The following PPP1R12A variants were observed in gnomAD, a reference collection of about 807,000 sequenced individuals.
PPP1R12A encodes the protein myosin binding subunit.
A neutral mutation model predicts 139.6 loss-of-function variants in PPP1R12A; 19 were observed. The observed-to-expected ratio is 0.14, with a 90% confidence interval of 0.09 to 0.20. The LOEUF is 0.20. PPP1R12A is among the 10% of genes least tolerant of loss of function. The pLI is 1.00. For missense variants in PPP1R12A, 925 were observed against 1,211.5 expected, an observed-to-expected ratio of 0.76 and a Z score of 3.51; for synonymous variants, 427 against 420.6, an observed-to-expected ratio of 1.02 and a Z score of -0.19.
Position 79,809,874 on chromosome 12 carries a change from T to C in PPP1R12A, c.1376A>G (p.Gln459Arg). ...LAEITASKEG[Q>R]KEKDTAGVTR... ...AACACCTGCAGTATCTTTTTCTTTC[T>C]GACCCTCTTTAGATGCTGTGATTTC... The change falls in exon 10 of 25, where the codon CAG becomes CGG. Residue 459 changes from glutamine (Q) to arginine (R), a missense_variant. By Grantham distance (43) the Gln-to-Arg change is conservative (BLOSUM62 1). Around this residue, in one of 4 missense-constraint regions of PPP1R12A, gnomAD observed 403 missense variants for 463.7 expected, o/e 0.87. Transcript: ENST00000450142. 1 of 1,613,628 alleles carries C rather than the reference T, an allele frequency of 6.2e-7. No homozygotes were observed. The highest frequency in any genetic ancestry group is 8.5e-7 in the Non-Finnish European group (1 of 1,179,736).
At chr12:79,895,213 A>C (rs1885025366) in intron 1 of PPP1R12A, among the ~76,000 whole-genome samples, 2 of 152,194 alleles carry the variant, frequency 1.3e-5, no homozygotes, top group South Asian at 4.1e-4. Context: ...AAAACTGACT[A>C]CTGCTGAGAA....
chr12:79,824,790 G>C (rs1441568357), intron 5 of PPP1R12A, among the ~76,000 whole-genome samples: 2 of 151,838 alleles, frequency 1.3e-5, no homozygotes, highest in African/African-American at 2.4e-5. Context: ...AAAGCAACCA[G>C]GCAACAAATG....
At chr12:79,813,312 A>G (rs1286688836) in intron 9 of PPP1R12A, among the ~76,000 whole-genome samples, 1 of 152,160 alleles carries the variant, frequency 6.6e-6, no homozygotes, top group East Asian at 1.9e-4. Flanking sequence ...TTCTTCTCTC[A>G]GGTGGAGTAC....
At chr12:79,854,825 C>G (rs1192337145) in intron 2 of PPP1R12A, among the ~76,000 whole-genome samples, 1 of 151,984 alleles carries the variant, frequency 6.6e-6, no homozygotes, top group African/African-American at 2.4e-5. Flanking sequence ...GCATGCACCA[C>G]CAGGCCCAGC....
intron 22 of PPP1R12A, chr12:79,782,692 T>C: frequency 5.5e-6 from 2 of 360,368 alleles, no homozygotes; most frequent in Non-Finnish European, 1.1e-5. Context: ...CATTGATCTC[T>C]GTACAAACAT....
chr12:79,789,514 T>TAATG lies in PPP1R12A; in HGVS notation c.2667-735_2667-732dup, dbSNP rs546926052. On this transcript the variant is annotated intron_variant, in intron 20 of 24. Transcript: ENST00000450142. Reference sequence around the variant, plus strand: ...AATAAAGTATATCCAAAGTGACAAGTAATGGGTTTGTCCTAAGCAGGAAAA... The same window carrying TAATG: ...AATAAAGTATATCCAAAGTGACAAGTAATGAATGGGTTTGTCCTAAGCAGGAAAA... 391 of 339,638 alleles carry TAATG rather than the reference T, an allele frequency of 1.2e-3. 5 individuals are homozygous for TAATG. Among genetic ancestry groups the TAATG allele is most frequent in the South Asian group, 8.9e-3 (373 of 42,062 alleles). 21.0% of individuals were successfully genotyped at this position (339,638 alleles called of 1,614,324 possible).
At position 79,928,246 on chromosome 12, in the gene PPP1R12A, T is replaced by C. The variant is rs550806847; in HGVS notation, c.237+6449A>G. Among the ~76,000 whole-genome samples, 63 of 152,272 alleles carry C rather than the reference T, an allele frequency of 4.1e-4. 1 individual carries two copies. The highest frequency in any genetic ancestry group is 1.5e-3 in the African/African-American group (61 of 41,546). ...GCAATCATACTGTAGCTGAGGCACA[T>C]GAAAGATGGTCTTGGTTATGACACC... On this transcript the variant is annotated intron_variant, in intron 1 of 24. Coordinates refer to ENST00000450142, the MANE Select transcript of PPP1R12A (RefSeq NM_002480.3).
intron 10 of PPP1R12A, among the ~76,000 whole-genome samples, chr12:79,808,889 T>C (rs1007886908): frequency 5.6e-4 from 85 of 152,276 alleles, no homozygotes; most frequent in Non-Finnish European, 4.4e-4. Flanking sequence ...AGCTGAAATA[T>C]CTTTATTTCT....
At chr12:79,917,683 C>T (rs1887112403) in intron 1 of PPP1R12A, among the ~76,000 whole-genome samples, 1 of 151,894 alleles carries the variant, frequency 6.6e-6, no homozygotes, top group Non-Finnish European at 1.5e-5. Flanking sequence ...AAAGCAAGTC[C>T]TGTAATATTT....
At chr12:79,887,125 C>T (rs1290033106) in intron 1 of PPP1R12A, among the ~76,000 whole-genome samples, 1 of 152,126 alleles carries the variant, frequency 6.6e-6, no homozygotes, top group Admixed American at 6.6e-5. Context: ...GCATATTTTC[C>T]TGTTTCCTTT....
chr12:79,889,392 T>C (rs1324699750), intron 1 of PPP1R12A, among the ~76,000 whole-genome samples: 4 of 152,164 alleles, frequency 2.6e-5, no homozygotes, highest in African/African-American at 9.7e-5. Flanking sequence ...AGCCTAGTGA[T>C]AGAAAAGACA....
chr12:79,893,566 T>C (rs935164018), intron 1 of PPP1R12A, among the ~76,000 whole-genome samples: 3 of 152,184 alleles, frequency 2.0e-5, no homozygotes, highest in Admixed American at 2.0e-4. Flanking sequence ...TTTAGCTTCA[T>C]TAGTAGGACT....
chr12:79,908,872 G>A (rs1379789569), intron 1 of PPP1R12A, among the ~76,000 whole-genome samples: 1 of 152,150 alleles, frequency 6.6e-6, no homozygotes, highest in African/African-American at 2.4e-5. Flanking sequence ...AGTGAGCCCT[G>A]GAGCAACAGA....
chr12:79,884,886 G>A (rs1186355899), intron 1 of PPP1R12A, among the ~76,000 whole-genome samples: 1 of 151,996 alleles, frequency 6.6e-6, no homozygotes, highest in African/African-American at 2.4e-5. Flanking sequence ...TGTTCATAAG[G>A]AAAAAATTGA....
At chr12:79,825,507 C>T (rs1346314319) in intron 5 of PPP1R12A, 1 of 151,720 alleles carries the variant, frequency 6.6e-6, no homozygotes. Flanking sequence ...TTACAGTTTG[C>T]AAATAATTTA....
intron 1 of PPP1R12A, among the ~76,000 whole-genome samples, chr12:79,886,168 T>A (rs1282923984): frequency 6.6e-6 from 1 of 152,130 alleles, no homozygotes; most frequent in Non-Finnish European, 1.5e-5. Flanking sequence ...TTGTTCTATT[T>A]TAAAGAAAAC....
At chr12:79,862,784 A>T (rs1160564307) in intron 2 of PPP1R12A, among the ~76,000 whole-genome samples, 1 of 152,224 alleles carries the variant, frequency 6.6e-6, no homozygotes, top group Non-Finnish European at 1.5e-5. Flanking sequence ...AGTAAAAAGA[A>T]ATGAATAAAG....
At chr12:79,924,089 T>G (rs1887650816) in intron 1 of PPP1R12A, among the ~76,000 whole-genome samples, 1 of 152,060 alleles carries the variant, frequency 6.6e-6, no homozygotes, top group African/African-American at 2.4e-5. Context: ...GGATGACCCA[T>G]ATAAAAGCAA....
chr12:79,871,171 A>T (rs960680955), intron 2 of PPP1R12A, among the ~76,000 whole-genome samples: 1 of 152,176 alleles, frequency 6.6e-6, no homozygotes, highest in Non-Finnish European at 1.5e-5. Flanking sequence ...TAATAAGCCT[A>T]AATGTCCTTC....
Sources: gnomAD v4.1 joint callset for allele counts (sites outside exome capture counted in the v4.1 genomes callset) on GRCh38, gnomAD v4.1.1 for gene constraint, gnomAD v4.1.1 regional missense constraint, MANE v1.5 for transcripts, NCBI Gene and HGNC (gene_info 2026-07-23, HGNC 2026-07-21) for gene names.